AGXT2: variants seen among roughly 807,000 people sequenced by gnomAD.
AGXT2 encodes the protein alanine--glyoxylate aminotransferase 2.
AGXT2 carries 61 observed loss-of-function variants against 62.5 expected under a neutral mutation model. The ratio of observed to expected loss-of-function variants is 0.98; its 90% CI spans 0.79 to 1.21. AGXT2 has a LOEUF of 1.21. AGXT2 is among the 50% of genes most tolerant of loss of function. The probability of loss-of-function intolerance (pLI) is 0.00; values close to 1 mark genes in which losing one functional copy is unlikely to be tolerated. For missense variants in AGXT2, 666 were observed against 641.5 expected (o/e 1.04, Z -0.41); for synonymous variants, 243 against 218.7 (o/e 1.11, Z -0.98).
Position 35,012,199 on chromosome 5 carries a change from C to A in AGXT2, c.1188+755G>T, listed in dbSNP as rs536065742. On this transcript the variant is annotated intron_variant, in intron 11 of 13. Coordinates refer to ENST00000231420, the MANE Select transcript of AGXT2 (RefSeq NM_031900.4). ...CCACTATACAATTCATCCATGTAAC[C>A]AAAACCGACTTGTATCCCAAAAGCT... Among the ~76,000 whole-genome samples, 14 of 151,502 alleles carry A rather than the reference C, an allele frequency of 9.2e-5. No individual in the cohort carries two copies. In the South Asian group the frequency reaches 2.5e-3, roughly 27 times the overall value.
intron 9 of AGXT2, among the ~76,000 whole-genome samples, chr5:35,023,333 A>G (rs1006103906): frequency 6.6e-6 from 1 of 152,190 alleles, no homozygotes; most frequent in Non-Finnish European, 1.5e-5. Flanking sequence ...CTGAGTTAAC[A>G]CATGCAAAGT....
chr5:35,013,715 A>G (rs561091621), intron 10 of AGXT2, among the ~76,000 whole-genome samples: 2 of 150,860 alleles, frequency 1.3e-5, no homozygotes, highest in East Asian at 4.0e-4. Flanking sequence ...CTGCGGAGGC[A>G]GAGGGTGCAA....
chr5:35,025,710 C>G, intron 9 of AGXT2, 53 bp downstream of exon 9: 1 of 1,564,080 alleles, frequency 6.4e-7, no homozygotes, highest in South Asian at 1.1e-5. Context: ...AGGTTTCTGT[C>G]TGTGCATCTC....
chr5:35,002,268 C>T (rs943613582), intron 13 of AGXT2, among the ~76,000 whole-genome samples: 1 of 152,006 alleles, frequency 6.6e-6, no homozygotes, highest in Non-Finnish European at 1.5e-5. Flanking sequence ...GTTGTTTGGG[C>T]TGGGAGAACT....
At position 35,009,416 on chromosome 5, in the gene AGXT2, C is replaced by A. The variant is rs561698569; in HGVS notation, c.1338+584G>T. On this transcript the variant is annotated intron_variant, in intron 12 of 13. Transcript: ENST00000231420. ...TTTGAGACCAGCCTGGGCAATATGG[C>A]AAAACCCCATTTCTACTAAAAATAC... 1.3e-3 allele frequency among the ~76,000 whole-genome samples: 191 copies of A among 152,108 alleles called. 1 individual carries two copies. Among genetic ancestry groups the A allele is most frequent in the African/African-American group, 4.3e-3 (180 of 41,530 alleles).
chr5:35,031,965 T>A (rs1354148716), intron 7 of AGXT2, among the ~76,000 whole-genome samples: 2 of 148,578 alleles, frequency 1.3e-5, no homozygotes, highest in African/African-American at 5.2e-5. Flanking sequence ...TTTTTTTTTT[T>A]TTTTTGAGAT....
intron 11 of AGXT2, among the ~76,000 whole-genome samples, chr5:35,012,033 G>GTGAGAGCTAA (rs1766662263): frequency 6.6e-6 from 1 of 151,830 alleles, no homozygotes. Context: ...TCACTTATAG[G>GTGAGAGCTAA]TGAGAGCTAA....
chr5:35,027,003 G>T (rs1349781268), intron 7 of AGXT2: 2 of 985,276 alleles, frequency 2.0e-6, no homozygotes, highest in African/African-American at 3.5e-5. Flanking sequence ...AGAACAATTA[G>T]AATTCAGTCT....
In AGXT2 at chr5:35,025,651, G is replaced by A. The variant is rs1347290751; in HGVS notation, c.963+112C>T. The A allele has an allele frequency of 3.6e-6, 4 of 1,113,790 alleles. No homozygotes were observed. In the African/African-American group the frequency reaches 6.1e-5, roughly 17 times the overall value. The allele number at this position is 1,113,790 out of a possible 1,614,324, so 69.0% of individuals were successfully genotyped here. On this transcript the variant is annotated intron_variant, in intron 9 of 13. Coordinates refer to ENST00000231420, the MANE Select transcript of AGXT2 (RefSeq NM_031900.4). Reference sequence around the variant, plus strand: ...TTCATTCATTTGTAGGCAAACTTTGGAATTCACAGAGCAGAGGCTTTCTGC... The same window carrying A: ...TTCATTCATTTGTAGGCAAACTTTGAAATTCACAGAGCAGAGGCTTTCTGC...
intron 4 of AGXT2, among the ~76,000 whole-genome samples, chr5:35,035,943 G>C (rs953121660): frequency 6.6e-6 from 1 of 152,120 alleles, no homozygotes; most frequent in Non-Finnish European, 1.5e-5. Context: ...CAGGTGTGGT[G>C]GTGGGCACCT....
At chr5:35,007,103 A>G (rs1420364858) in intron 12 of AGXT2, among the ~76,000 whole-genome samples, 3 of 152,182 alleles carry the variant, frequency 2.0e-5, no homozygotes, top group African/African-American at 7.2e-5. Flanking sequence ...TTAGGTTACA[A>G]GAGTGGAACC....
At chr5:35,046,838 T>C (rs1768229673) in intron 1 of AGXT2, among the ~76,000 whole-genome samples, 1 of 152,160 alleles carries the variant, frequency 6.6e-6, no homozygotes, top group Non-Finnish European at 1.5e-5. Flanking sequence ...GACAGTTGCT[T>C]AATCTCATGT....
chr5:35,007,038 AC>A (rs1281013471), intron 12 of AGXT2, among the ~76,000 whole-genome samples: 5 of 152,208 alleles, frequency 3.3e-5, no homozygotes, highest in African/African-American at 9.6e-5. Flanking sequence ...ATATATTGAA[AC>A]CTAATACCCA....
At chr5:35,005,734 C>G (rs1446386567) in intron 12 of AGXT2, among the ~76,000 whole-genome samples, 2 of 151,976 alleles carry the variant, frequency 1.3e-5, no homozygotes, top group Admixed American at 6.6e-5. Flanking sequence ...TGCCGAGGCC[C>G]TTGTGCCCAT....
chr5:34,998,589 G>A lies in AGXT2; in HGVS notation c.*130C>T. 1 of 739,936 alleles carries A rather than the reference G, an allele frequency of 1.4e-6. No homozygotes were observed. The highest frequency in any genetic ancestry group is 2.3e-6 in the Non-Finnish European group (1 of 428,624). The allele number at this position is 739,936 out of a possible 1,614,324, so 45.8% of individuals were successfully genotyped here. Reference sequence around the variant, plus strand: ...ATATGGTTGGTAGGCAGTCAACCATGACTTTTACAGCTCCTGTGGAGAGCT... The same window carrying A: ...ATATGGTTGGTAGGCAGTCAACCATAACTTTTACAGCTCCTGTGGAGAGCT... On this transcript the variant is annotated 3_prime_UTR_variant, in exon 14 of 14. Coordinates refer to ENST00000231420, the MANE Select transcript of AGXT2 (RefSeq NM_031900.4).
chr5:35,026,504 C>T lies in AGXT2; in HGVS notation c.776G>A (p.Cys259Tyr). ...IRKCSCAPDC[C>Y]QAKDQYIEQF... is the part of the protein sequence containing the mutation. ...CTCAATATACTGATCTTTAGCTTGG[C>T]AGCAGTCTGCAAAAAGCAAACAACA... Residue 259 changes from cysteine (C) to tyrosine (Y), a missense_variant, in exon 8 of 14, where the codon TGC (cysteine) becomes TAC (tyrosine). Coordinates refer to ENST00000231420, the MANE Select transcript of AGXT2 (RefSeq NM_031900.4). 2 of 1,613,040 alleles carry T rather than the reference C, an allele frequency of 1.2e-6. No homozygotes were observed. Among genetic ancestry groups the T allele is most frequent in the Non-Finnish European group, 8.5e-7 (1 of 1,179,428 alleles).
chr5:35,010,185 A>G (rs768483818), intron 11 of AGXT2, 36 bp from the exon 12 acceptor site: 134 of 1,613,370 alleles, frequency 8.3e-5, no homozygotes, highest in Non-Finnish European at 1.1e-4. Context: ...CTTACATGGC[A>G]GAAGTTCTAA....
chr5:35,012,135 CACT>C (rs1766667164), intron 11 of AGXT2, among the ~76,000 whole-genome samples: 1 of 152,012 alleles, frequency 6.6e-6, no homozygotes, highest in African/African-American at 2.4e-5. Context: ...GTACAATGTA[CACT>C]ACTTGGGTGA....
chr5:35,009,420 A>G (rs1766542585), intron 12 of AGXT2, among the ~76,000 whole-genome samples: 1 of 151,890 alleles, frequency 6.6e-6, no homozygotes, highest in African/African-American at 2.4e-5. Flanking sequence ...ATATGGCAAA[A>G]CCCCATTTCT....
Sources: allele counts gnomAD v4.1 joint callset (sites outside exome capture counted in the v4.1 genomes callset), GRCh38; gene constraint gnomAD v4.1.1; transcripts MANE v1.5; gene names NCBI Gene and HGNC (gene_info 2026-07-23, HGNC 2026-07-21).